Variants in RADIL observed in about 807,000 individuals in gnomAD.
The protein encoded by RADIL is ras-associating and dilute domain-containing protein.
A neutral mutation model predicts 97.6 loss-of-function variants in RADIL; 99 were observed. The observed-to-expected ratio is 1.01, with a 90% CI of 0.86 to 1.20. The LOEUF (loss-of-function observed/expected upper bound fraction) is 1.20, where lower values mean the gene tolerates loss of function less well. Among genes scored for constraint, RADIL ranks in the 50% most tolerant of loss-of-function variants. The pLI, the probability that RADIL is intolerant of heterozygous loss-of-function variation, is 0.00. For synonymous variants in RADIL, 803 were observed against 691.8 expected (o/e 1.16, Z -2.52); for missense variants, 1,765 against 1,498.9 (o/e 1.18, Z -2.93).
At position 4,801,794 on chromosome 7, in the gene RADIL, A is replaced by T; in HGVS notation, c.2701T>A (p.Cys901Ser). The T allele has an allele frequency of 6.2e-7, 1 of 1,609,882 alleles. No individual in the cohort carries two copies. The highest frequency in any genetic ancestry group is 8.5e-7 in the Non-Finnish European group (1 of 1,178,862). The change falls in exon 12 of 15, where the codon TGC becomes AGC. Residue 901 changes from cysteine (C) to serine (S), a missense_variant. Physicochemically the swap from Cys to Ser is moderately radical, Grantham distance 112. Transcript: ENST00000399583. Reference protein sequence around the residue: ...QAGPPHTDSSCLLTPPSTPLG... With the variant: ...QAGPPHTDSSSLLTPPSTPLG... ...GGAGTGCTGGGAGGCGTGAGCAAGC[A>T]GGACGAGTCCGTGTGCGGGGGGCCA...
At chr7:4,860,229 C>T (rs1369032800) in intron 2 of RADIL, 3 of 1,613,874 alleles carry the variant, frequency 1.9e-6, no homozygotes, top group African/African-American at 2.7e-5. Flanking sequence ...TCACAGCCTG[C>T]AGACAAGTCA....
In RADIL at chr7:4,807,423, G is replaced by A. The variant is rs983806784; in HGVS notation, c.2140-1707C>T. 2.0e-5 allele frequency among the ~76,000 whole-genome samples: 3 copies of A among 151,932 alleles called. No individual in the cohort carries two copies. In the East Asian group the frequency reaches 5.8e-4, roughly 29 times the overall value. On this transcript the variant is annotated intron_variant, in intron 9 of 14. Transcript: ENST00000399583. ...TGTGCTTGGTCCGGGACCAGAGGTC[G>A]GGGCCAAGAGATCAGCTTCAAGGGA...
At chr7:4,866,842 A>G (rs762287947) in intron 2 of RADIL, among the ~76,000 whole-genome samples, 18 of 152,230 alleles carry the variant, frequency 1.2e-4, no homozygotes, top group Admixed American at 2.0e-4. Flanking sequence ...TGTTTGGGTC[A>G]TGGGGACAGA....
In RADIL at chr7:4,840,455, G is replaced by A. The variant is rs1030582986; in HGVS notation, c.536-3850C>T. ...TTCAGAAGCATCGCATGGCGCCATC[G>A]CTAGACACACAGCGTGGAGTTGTCA... On this transcript the variant is annotated intron_variant, in intron 2 of 14. Transcript: ENST00000399583. The surrounding 1 kb of genome is among the most constrained non-coding windows in gnomAD (Gnocchi z 5.6). Among the ~76,000 whole-genome samples, 17 of 152,120 alleles carry A rather than the reference G, an allele frequency of 1.1e-4. No homozygotes were observed. The highest frequency in any genetic ancestry group is 1.8e-4 in the Non-Finnish European group (12 of 68,036).
intron 13 of RADIL, 82 bp downstream of exon 13, chr7:4,800,089 C>T (rs939896888): frequency 1.9e-5 from 27 of 1,459,358 alleles, no homozygotes; most frequent in East Asian, 9.5e-5. Flanking sequence ...CACGTGGCCA[C>T]GCAAGCTGCG....
At position 4,872,621 on chromosome 7, in the gene RADIL, G is replaced by A. The variant is rs148829526; in HGVS notation, c.535+4984C>T. On this transcript the variant is annotated intron_variant, in intron 2 of 14. Coordinates refer to ENST00000399583, the MANE Select transcript of RADIL (RefSeq NM_018059.5). This position sits in a 1 kb window ranked among gnomAD's most constrained non-coding sequence, Gnocchi z 5.8. ...GGGGAGTGAGAGCCACTTCCAGCCC[G>A]GCCATACCTCCAGCACCAGCCTCCT... Among the ~76,000 whole-genome samples, 147 of 152,172 alleles carry A rather than the reference G, an allele frequency of 9.7e-4. No individual in the cohort carries two copies. Among genetic ancestry groups the A allele is most frequent in the African/African-American group, 3.4e-3 (140 of 41,530 alleles).
At chr7:4,826,572 A>C (rs1782984802) in intron 5 of RADIL, among the ~76,000 whole-genome samples, 1 of 151,956 alleles carries the variant, frequency 6.6e-6, no homozygotes, top group Non-Finnish European at 1.5e-5. Context: ...GTCTCTACTA[A>C]AAATACAAAA....
rs530008899 is a variant in RADIL, at chr7:4,861,569, C to A, written c.535+16036G>T. ...AGACTGGGGAAGACTCTTGCTTTCA[C>A]TGATTTCGCGTATCCATTCCTTTAC... On this transcript the variant is annotated intron_variant, in intron 2 of 14. Coordinates refer to ENST00000399583, the MANE Select transcript of RADIL (RefSeq NM_018059.5). 1.2e-5 allele frequency: 19 copies of A among 1,613,946 alleles called. No individual in the cohort carries two copies. In the African/African-American group the frequency reaches 2.5e-4, roughly 21 times the overall value.
At position 4,800,123 on chromosome 7, in the gene RADIL, G is replaced by A. The variant is rs1332730949; in HGVS notation, c.2982+48C>T. 27 of 1,572,954 alleles carry A rather than the reference G, an allele frequency of 1.7e-5. No homozygotes were observed. In the East Asian group the frequency reaches 2.3e-4, roughly 13 times the overall value. On this transcript the variant is annotated intron_variant, in intron 13 of 14. Transcript: ENST00000399583. ...CGGCCAGGCTTGCATGAACAGGCGG[G>A]GCCAGGCAGCCAGTATGGGGGTGCG...
intron 5 of RADIL, among the ~76,000 whole-genome samples, chr7:4,829,162 G>A (rs967154812): frequency 6.6e-6 from 1 of 152,210 alleles, no homozygotes; most frequent in Admixed American, 6.5e-5. Context: ...CCACTGTAGG[G>A]GCCCGGGCCT....
chr7:4,869,364 C>T lies in RADIL; in HGVS notation c.535+8241G>A, dbSNP rs573475787. 4.1e-4 allele frequency among the ~76,000 whole-genome samples: 62 copies of T among 152,178 alleles called. 1 individual carries two copies. Among genetic ancestry groups the T allele is most frequent in the Non-Finnish European group, 1.5e-4 (10 of 68,032 alleles). ...GCTCGGGCTGGGCTCCAACTCCTGG[C>T]CCAACTGATCCTCTCACTTCAGCCT... On this transcript the variant is annotated intron_variant, in intron 2 of 14. Coordinates refer to ENST00000399583, the MANE Select transcript of RADIL (RefSeq NM_018059.5).
intron 2 of RADIL, among the ~76,000 whole-genome samples, chr7:4,847,944 C>A (rs1783615709): frequency 6.6e-6 from 1 of 152,062 alleles, no homozygotes; most frequent in African/African-American, 2.4e-5. Context: ...GCCTGTAATC[C>A]CAGCACTTAG....
chr7:4,816,562 C>G (rs557220112), intron 7 of RADIL, 97 bp from the exon 8 acceptor site: 13 of 977,992 alleles, frequency 1.3e-5, no homozygotes, highest in African/African-American at 6.4e-5. Context: ...CCACGCACTG[C>G]TTGCAGGGAC....
In RADIL at chr7:4,834,916, C is replaced by A; in HGVS notation, c.1107G>T (p.Leu369Phe). Residue 369 changes from leucine to phenylalanine, a missense_variant, in exon 4 of 15, where the codon TTG becomes TTT. Physicochemically the swap from Leu to Phe is conservative, Grantham distance 22. Coordinates refer to ENST00000399583, the MANE Select transcript of RADIL (RefSeq NM_018059.5). This position sits in a 1 kb window ranked among gnomAD's most constrained non-coding sequence, Gnocchi z 6.0. ...TCTGCGGCACAGCCCGGAGGCGCGC[C>A]AAGGCCCGGGCGGGCAGGGGCTGGG... Reference protein sequence around the residue: ...AQAQPLPARALARLRAVPQSC... With the variant: ...AQAQPLPARAFARLRAVPQSC... 1 of 1,552,698 alleles carries A rather than the reference C, an allele frequency of 6.4e-7. No individual in the cohort carries two copies. The highest frequency in any genetic ancestry group is 1.9e-5 in the Admixed American group (1 of 52,884).
Position 4,834,714 on chromosome 7 carries a change from CG to C in RADIL, c.1308del (p.Ala437ProfsTer27). The C allele has an allele frequency of 5.0e-6, 7 of 1,410,260 alleles. No individual in the cohort carries two copies. The highest frequency in any genetic ancestry group is 1.9e-4 in the Middle Eastern group (1 of 5,256). 87.4% of individuals were successfully genotyped at this position (1,410,260 alleles called of 1,614,324 possible). A position where few individuals can be genotyped will look rare whatever the true frequency, so the allele number is the denominator to read the frequency against. On this transcript the variant is annotated frameshift_variant, in exon 4 of 15. Coordinates refer to ENST00000399583, the MANE Select transcript of RADIL (RefSeq NM_018059.5). LOFTEE classifies it high-confidence loss of function. The surrounding 1 kb of genome is among the most constrained non-coding windows in gnomAD (Gnocchi z 6.0). ...TGGATGCAGAGGCACAGGAGGAAGGCGGGGGTCAGCTTGTGGTCGTCGCCCC... is the reference window on the plus strand; with the variant it reads ...TGGATGCAGAGGCACAGGAGGAAGGCGGGGTCAGCTTGTGGTCGTCGCCCC... ...EPGGDDHKLT[P>X]AFLLCLCIQH...
In RADIL at chr7:4,854,092, C is replaced by G. The variant is rs977630525; in HGVS notation, c.536-17487G>C. ...CCCCGTCTTCCTTCTTTCTTCCTGCCTTAAATGAAGATGTGATGGCAGGGG... is the reference window on the plus strand; with the variant it reads ...CCCCGTCTTCCTTCTTTCTTCCTGCGTTAAATGAAGATGTGATGGCAGGGG... On this transcript the variant is annotated intron_variant, in intron 2 of 14. Coordinates refer to ENST00000399583, the MANE Select transcript of RADIL (RefSeq NM_018059.5). This position sits in a 1 kb window ranked among gnomAD's most constrained non-coding sequence, Gnocchi z 5.1. Among the ~76,000 whole-genome samples, 3 of 152,136 alleles carry G rather than the reference C, an allele frequency of 2.0e-5. No homozygotes were observed. The highest frequency in any genetic ancestry group is 7.2e-5 in the African/African-American group (3 of 41,414).
chr7:4,803,723 T>A lies in RADIL; in HGVS notation c.2322A>T (p.Pro774=). Residue 774 remains proline (P), a synonymous_variant, in exon 11 of 15, where the codon CCA becomes CCT. Coordinates refer to ENST00000399583, the MANE Select transcript of RADIL (RefSeq NM_018059.5). ...AGCCGTCGCTGGGCAGGACGATGGGTGGGGGGTTTTCGTAGGACTCCAGAA... is the reference window on the plus strand; with the variant it reads ...AGCCGTCGCTGGGCAGGACGATGGGAGGGGGGTTTTCGTAGGACTCCAGAA... ...EDVLESYENP[P]PIVLPSDGFQ... 1.9e-6 allele frequency: 3 copies of A among 1,566,698 alleles called. No individual in the cohort carries two copies. The highest frequency in any genetic ancestry group is 1.7e-6 in the Non-Finnish European group (2 of 1,156,540).
intron 2 of RADIL, among the ~76,000 whole-genome samples, chr7:4,856,107 C>CTTT (rs112928865): frequency 2.5e-4 from 36 of 146,486 alleles, no homozygotes; most frequent in African/African-American, 5.3e-4. Flanking sequence ...CTGAATCCAG[C>CTTT]TTTTTTTTTT....
At chr7:4,802,927 T>TGG (rs1782158879) in intron 11 of RADIL, among the ~76,000 whole-genome samples, 1 of 35,356 alleles carries the variant, frequency 2.8e-5, no homozygotes, top group African/African-American at 1.9e-4. Flanking sequence ...GCTGGCTGGG[T>TGG]CCCCTCCCCG....
Sources: allele counts gnomAD v4.1 joint callset (sites outside exome capture counted in the v4.1 genomes callset), GRCh38; gene constraint gnomAD v4.1.1; non-coding constraint Gnocchi (gnomAD v3.1); transcripts MANE v1.5; gene names NCBI Gene and HGNC (gene_info 2026-07-23, HGNC 2026-07-21).